Variants in SUCO observed in about 807,000 individuals in gnomAD.
SUCO encodes the protein SUN domain containing ossification factor, also known as SUN domain-containing ossification factor.
Under a neutral mutation model 148.1 loss-of-function variants are expected in SUCO, and 57 were observed. The ratio of observed to expected loss-of-function variants is 0.38; its 90% confidence interval spans 0.31 to 0.48. The LOEUF (loss-of-function observed/expected upper bound fraction) is 0.48. Ranked by LOEUF, SUCO falls within the 20% of genes least tolerant of loss-of-function variation. SUCO has a pLI of 0.96. For synonymous variants in SUCO, 470 were observed against 502.7 expected (o/e 0.93, Z 0.87); for missense variants, 1,331 against 1,468.2 (o/e 0.91, Z 1.53).
At chr1:172,556,698 G>T (rs1461892696) in intron 4 of SUCO, 1 of 985,110 alleles carries the variant, frequency 1.0e-6, no homozygotes, top group Non-Finnish European at 1.2e-6. Flanking sequence ...TTAGAAGCTT[G>T]TCTCAGTATG....
In SUCO at chr1:172,573,026, AT is replaced by A. The variant is rs1319266840; in HGVS notation, c.1050-861del. 5.3e-5 allele frequency among the ~76,000 whole-genome samples: 8 copies of A among 152,182 alleles called. No individual in the cohort carries two copies. In the South Asian group the frequency reaches 1.4e-3, roughly 28 times the overall value. On this transcript the variant is annotated intron_variant, in intron 9 of 23. Coordinates refer to ENST00000263688, the MANE Select transcript of SUCO (RefSeq NM_014283.5). Reference sequence around the variant, plus strand: ...GTTAATAAATGTAAATCTTAGCATCATTTTAAAAAAAAACAGCTTTATTGGG... The same window carrying A: ...GTTAATAAATGTAAATCTTAGCATCATTTAAAAAAAAACAGCTTTATTGGG...
intron 18 of SUCO, 35 bp from the exon 19 acceptor site, chr1:172,590,949 A>G (rs1656609451): frequency 6.8e-7 from 1 of 1,461,764 alleles, no homozygotes; most frequent in African/African-American, 1.4e-5. Flanking sequence ...TAAGTAAGAA[A>G]TTAAAGCTGA....
At chr1:172,591,806 T>G (rs531872390) in intron 19 of SUCO, among the ~76,000 whole-genome samples, 64 of 152,278 alleles carry the variant, frequency 4.2e-4, no homozygotes, top group Non-Finnish European at 7.5e-4. Context: ...GTAATGGGAT[T>G]GCTGGGTCAA....
Position 172,611,132 on chromosome 1 carries a change from G to A in SUCO, c.*873G>A, listed in dbSNP as rs2149277126. 1 of 152,700 alleles carries A rather than the reference G, an allele frequency of 6.5e-6. No homozygotes were observed. The allele number at this position is 152,700 out of a possible 1,614,324, so 9.5% of individuals were successfully genotyped here. On this transcript the variant is annotated 3_prime_UTR_variant, in exon 24 of 24. Coordinates refer to ENST00000263688, the MANE Select transcript of SUCO (RefSeq NM_014283.5). ...TATTAGTATGAATATAAAATTTGAAGGTTTGGCCAATTAGTACAAGTCTCA... is the reference window on the plus strand; with the variant it reads ...TATTAGTATGAATATAAAATTTGAAAGTTTGGCCAATTAGTACAAGTCTCA...
chr1:172,577,811 C>T lies in SUCO; in HGVS notation c.1332C>T (p.Ser444=), dbSNP rs762045747. The T allele has an allele frequency of 2.5e-6, 4 of 1,609,484 alleles. No individual in the cohort carries two copies. Among genetic ancestry groups the T allele is most frequent in the African/African-American group, 1.3e-5 (1 of 74,692 alleles). The change falls in exon 13 of 24, where the codon AGC becomes AGT. Residue 444 remains serine (S), a synonymous_variant. Coordinates refer to ENST00000263688, the MANE Select transcript of SUCO (RefSeq NM_014283.5). ...HFGSEHFCPL[S]LIRVFGTSMV... is the part of the protein sequence containing the mutation. ...GATCAGAGCACTTTTGTCCATTAAG[C>T]CTTATAAGGTAATGCAGAACAAAAT... is the stretch of plus-strand genomic sequence containing the variant.
In SUCO at chr1:172,557,303, T is replaced by C; in HGVS notation, c.467T>C (p.Ile156Thr). 6.2e-7 allele frequency: 1 copy of C among 1,613,890 alleles called. No individual in the cohort carries two copies. Among genetic ancestry groups the C allele is most frequent in the Non-Finnish European group, 8.5e-7 (1 of 1,179,820 alleles). Residue 156 changes from isoleucine to threonine, a missense_variant, in exon 5 of 24, where the codon ATT becomes ACT. Ile to Thr is a moderately conservative substitution (Grantham distance 89, BLOSUM62 -1). Transcript: ENST00000263688. Reference sequence around the variant, plus strand: ...AGTGAAATAGAAAAATCTGGTACTATTCCGATAGCCAAACCAAGTGAAACT... The same window carrying C: ...AGTGAAATAGAAAAATCTGGTACTACTCCGATAGCCAAACCAAGTGAAACT... ...KLDEIEKSGT[I>T]PIAKPSETEQ...
Position 172,577,533 on chromosome 1 carries a change from C to CT in SUCO, c.1264-4dup. ...TTTCTTTTTCTTTTCCTTTCTCTTGCTTCAGATGTTCATCAAGTACATAAA... is the reference window on the plus strand; with the variant it reads ...TTTCTTTTTCTTTTCCTTTCTCTTGCTTTCAGATGTTCATCAAGTACATAAA... On this transcript the variant is annotated splice_polypyrimidine_tract_variant and splice_region_variant and intron_variant, in intron 11 of 23. Coordinates refer to ENST00000263688, the MANE Select transcript of SUCO (RefSeq NM_014283.5). The CT allele has an allele frequency of 6.2e-7, 1 of 1,609,888 alleles. No homozygotes were observed. Among genetic ancestry groups the CT allele is most frequent in the Non-Finnish European group, 8.5e-7 (1 of 1,178,352 alleles).
intron 8 of SUCO, 185 bp downstream of exon 8, chr1:172,570,356 T>C: frequency 2.0e-6 from 1 of 494,800 alleles, no homozygotes; most frequent in Non-Finnish European, 3.5e-6. Context: ...TGATGTATTT[T>C]GCCCTGCATT....
intron 12 of SUCO, 71 bp downstream of exon 12, chr1:172,577,630 A>C: frequency 2.5e-6 from 4 of 1,587,410 alleles, no homozygotes; most frequent in Non-Finnish European, 2.6e-6. Context: ...AAAACTTTAC[A>C]AGTATTGATT....
intron 1 of SUCO, among the ~76,000 whole-genome samples, chr1:172,545,104 T>A (rs1652763046): frequency 6.6e-6 from 1 of 152,052 alleles, no homozygotes; most frequent in African/African-American, 2.4e-5. Flanking sequence ...GAGGACTGGG[T>A]AGATAGCAGT....
upstream of SUCO, chr1:172,532,916 C>A: frequency 7.2e-7 from 1 of 1,384,544 alleles, no homozygotes. Flanking sequence ...TCTGCTCCTG[C>A]GCTTTGTGGT....
In SUCO at chr1:172,551,512, G is replaced by T. The variant is rs1402813032; in HGVS notation, c.63G>T (p.Trp21Cys). The stretch of plus-strand genomic sequence containing the variant: ...GTTGGTGGTGGTGGGTGTTTTACAG[G>T]CTTCCCAGCTGGCGTGTATGTTGTA... Reference protein sequence around the residue: ...VSCLFLCSLVWLPSWRVCCKE... With the variant: ...VSCLFLCSLVCLPSWRVCCKE... The change falls in exon 2 of 24, where the codon TGG becomes TGT. Residue 21 changes from tryptophan (W) to cysteine (C), a missense_variant and splice_region_variant. Physicochemically the swap from Trp to Cys is radical, Grantham distance 215. Transcript: ENST00000263688. 1.9e-6 allele frequency: 3 copies of T among 1,584,614 alleles called. No homozygotes were observed. The highest frequency in any genetic ancestry group is 2.6e-6 in the Non-Finnish European group (3 of 1,165,480).
chr1:172,580,388 T>G (rs1203672350), intron 15 of SUCO, among the ~76,000 whole-genome samples: 1 of 152,188 alleles, frequency 6.6e-6, no homozygotes, highest in Non-Finnish European at 1.5e-5. Context: ...GCTTCTGACT[T>G]TCTAGATATT....
intron 22 of SUCO, 158 bp downstream of exon 22, chr1:172,602,945 AT>A: frequency 1.6e-6 from 1 of 614,640 alleles, no homozygotes; most frequent in Non-Finnish European, 2.8e-6. Flanking sequence ...TCATTTTCAC[AT>A]TTTATATCTG....
rs146333817 is a variant in SUCO at position 172,597,912 on chromosome 1, T to A, written c.2914-2152T>A. 6.7e-4 allele frequency among the ~76,000 whole-genome samples: 102 copies of A among 152,378 alleles called. 1 individual carries two copies. In the Middle Eastern group the frequency reaches 0.01, roughly 15 times the overall value. On this transcript the variant is annotated intron_variant, in intron 19 of 23. Coordinates refer to ENST00000263688, the MANE Select transcript of SUCO (RefSeq NM_014283.5). ...TTTTCTCCCAATCCATTACTTGTTT[T>A]CTTATTCTCTTTACAGTGTGGTTTG...
chr1:172,556,920 T>G, intron 4 of SUCO: 1 of 971,020 alleles, frequency 1.0e-6, no homozygotes, highest in South Asian at 4.8e-5. Flanking sequence ...TAAGAACACC[T>G]TAAAATTTTA....
At chr1:172,551,962 A>G (rs1471414571) in intron 2 of SUCO, 1 of 159,784 alleles carries the variant, frequency 6.3e-6, no homozygotes, top group African/African-American at 2.4e-5. Context: ...GAACTATTAG[A>G]AGTGAGTATT....
At chr1:172,573,663 G>T (rs1219720541) in intron 9 of SUCO, among the ~76,000 whole-genome samples, 1 of 151,962 alleles carries the variant, frequency 6.6e-6, no homozygotes, top group African/African-American at 2.4e-5. Flanking sequence ...AAATGATGGA[G>T]CAAAATCAAT....
At chr1:172,570,577 G>C (rs1233103653) in intron 8 of SUCO, 86 bp from the exon 9 acceptor site, 11 of 868,084 alleles carry the variant, frequency 1.3e-5, no homozygotes, top group Non-Finnish European at 2.0e-5. Flanking sequence ...TAAAAATACA[G>C]AAGTCCCAGA....
Sources: gnomAD v4.1 joint callset for allele counts (sites outside exome capture counted in the v4.1 genomes callset) on GRCh38, gnomAD v4.1.1 for gene constraint, MANE v1.5 for transcripts, NCBI Gene and HGNC (gene_info 2026-07-23, HGNC 2026-07-21) for gene names.